TIMM23: variants seen among roughly 807,000 people sequenced by gnomAD.
The protein encoded by TIMM23 is mitochondrial import inner membrane translocase subunit Tim23.
A neutral mutation model predicts 30.7 loss-of-function variants in TIMM23; 19 were observed. The observed-to-expected ratio is 0.62, with a 90% CI of 0.43 to 0.91. TIMM23 has a LOEUF of 0.91. Among genes scored for constraint, TIMM23 ranks in the 40% least tolerant of loss-of-function variants. The pLI, the probability that TIMM23 is intolerant of heterozygous loss-of-function variation, is 0.00. For missense variants in TIMM23, 202 were observed against 269.2 expected (o/e 0.75, Z 1.75); for synonymous variants, 78 against 98.5 (o/e 0.79, Z 1.23).
At chr10:45,977,985 C>T (rs1168498399) in intron 2 of TIMM23, among the ~76,000 whole-genome samples, 12 of 151,600 alleles carry the variant, frequency 7.9e-5, no homozygotes, top group African/African-American at 2.2e-4. Context: ...GAGCCAAGAT[C>T]GCGCCACCCG....
intron 6 of TIMM23, among the ~76,000 whole-genome samples, chr10:46,000,015 T>C (rs1010609212): frequency 3.3e-5 from 5 of 152,338 alleles, no homozygotes; most frequent in African/African-American, 1.2e-4. Flanking sequence ...TTTAAGGTTA[T>C]CTCTCTTATT....
intron 3 of TIMM23, 53 bp from the exon 4 acceptor site, chr10:45,982,793 G>C: frequency 6.2e-7 from 1 of 1,612,788 alleles, no homozygotes; most frequent in Non-Finnish European, 8.5e-7. Flanking sequence ...ATTTGAGTTT[G>C]TTTTTTTAAT....
chr10:45,976,039 A>G (rs1837663383), intron 2 of TIMM23, among the ~76,000 whole-genome samples: 1 of 152,094 alleles, frequency 6.6e-6, no homozygotes, highest in African/African-American at 2.4e-5. Flanking sequence ...GATTACAGGC[A>G]AAGTGTGTTT....
At chr10:45,996,901 G>T (rs1489385134) in intron 6 of TIMM23, among the ~76,000 whole-genome samples, 3 of 150,194 alleles carry the variant, frequency 2.0e-5, no homozygotes, top group Non-Finnish European at 4.4e-5. Context: ...GGAGGTCAAA[G>T]CTGCAGTGTG....
intron 1 of TIMM23, among the ~76,000 whole-genome samples, chr10:45,975,071 A>G (rs1837626739): frequency 6.6e-6 from 1 of 152,214 alleles, no homozygotes; most frequent in Non-Finnish European, 1.5e-5. Flanking sequence ...TGTTTTTCCC[A>G]TGGAATTGAT....
At chr10:45,987,790 T>A (rs76530146) in intron 5 of TIMM23, among the ~76,000 whole-genome samples, 66 of 151,882 alleles carry the variant, frequency 4.3e-4, no homozygotes, top group South Asian at 8.3e-4. Flanking sequence ...AATTTTTTTT[T>A]AAATTTTTTT....
intron 2 of TIMM23, among the ~76,000 whole-genome samples, chr10:45,976,162 G>A (rs1181936657): frequency 6.6e-6 from 1 of 151,992 alleles, no homozygotes; most frequent in African/African-American, 2.4e-5. Context: ...TATTAGAAAA[G>A]CAAGGTTGAT....
At chr10:45,986,121 A>G (rs1380565508) in intron 5 of TIMM23, among the ~76,000 whole-genome samples, 39 of 152,348 alleles carry the variant, frequency 2.6e-4, no homozygotes, top group Middle Eastern at 3.4e-3. Flanking sequence ...AGGGGAAGAC[A>G]TAGAAAACTC....
At chr10:45,989,247 G>A (rs1328661634) in intron 6 of TIMM23, among the ~76,000 whole-genome samples, 19 of 152,022 alleles carry the variant, frequency 1.2e-4, no homozygotes, top group African/African-American at 4.3e-4. Flanking sequence ...TTTTTTGATT[G>A]GCTTATTTTA....
chr10:45,991,931 T>C (rs1194231874), intron 6 of TIMM23, among the ~76,000 whole-genome samples: 2 of 151,558 alleles, frequency 1.3e-5, no homozygotes, highest in Non-Finnish European at 1.5e-5. Context: ...CCCTTACTTG[T>C]CTCTTCCAGG....
intron 6 of TIMM23, among the ~76,000 whole-genome samples, chr10:46,001,918 C>T (rs1838550927): frequency 6.6e-6 from 1 of 152,118 alleles, no homozygotes; most frequent in Non-Finnish European, 1.5e-5. Context: ...TTTATTTACA[C>T]TTGGGGACTA....
At chr10:45,994,420 T>C (rs1448927306) in intron 6 of TIMM23, among the ~76,000 whole-genome samples, 1 of 139,430 alleles carries the variant, frequency 7.2e-6, no homozygotes, top group Admixed American at 7.5e-5. Flanking sequence ...CCTCATGATC[T>C]TTCTATTAAA....
intron 6 of TIMM23, among the ~76,000 whole-genome samples, chr10:45,991,013 C>A (rs77752809): frequency 6.6e-6 from 1 of 152,312 alleles, no homozygotes; most frequent in South Asian, 2.1e-4. Context: ...AGCTCTGTCA[C>A]GGTCTAGTGC....
At chr10:45,993,719 A>C (rs1215231566) in intron 6 of TIMM23, among the ~76,000 whole-genome samples, 1 of 151,706 alleles carries the variant, frequency 6.6e-6, no homozygotes, top group African/African-American at 2.4e-5. Context: ...AAAATGAATA[A>C]TGAAATGCCA....
In TIMM23 at chr10:45,987,120, G is replaced by A. The variant is rs1333944649; in HGVS notation, c.404-1617G>A. On this transcript the variant is annotated intron_variant, in intron 5 of 6. Coordinates refer to ENST00000580018, the MANE Select transcript of TIMM23 (RefSeq NM_006327.4). ...TTCAGATGGTACAAATGCTCTTGATGGGCATTTTATTTGTTGCCAGGTGTT... is the reference window on the plus strand; with the variant it reads ...TTCAGATGGTACAAATGCTCTTGATAGGCATTTTATTTGTTGCCAGGTGTT... 5.9e-5 allele frequency among the ~76,000 whole-genome samples: 9 copies of A among 152,032 alleles called. 1 individual carries two copies. In the Middle Eastern group the frequency reaches 0.017, roughly 287 times the overall value.
At chr10:46,002,605 A>G (rs1027066669) in intron 6 of TIMM23, 5 of 568,116 alleles carry the variant, frequency 8.8e-6, no homozygotes, top group Middle Eastern at 1.8e-3. Flanking sequence ...GTTCTAAATC[A>G]TATTACTAGC....
intron 2 of TIMM23, among the ~76,000 whole-genome samples, chr10:45,982,212 C>T (rs1247083086): frequency 6.6e-6 from 1 of 152,220 alleles, no homozygotes; most frequent in Non-Finnish European, 1.5e-5. Flanking sequence ...TTCTGTTCTT[C>T]TCATAGCTTT....
At chr10:45,988,036 C>T (rs1423874689) in intron 5 of TIMM23, among the ~76,000 whole-genome samples, 1 of 152,160 alleles carries the variant, frequency 6.6e-6, no homozygotes, top group African/African-American at 2.4e-5. Flanking sequence ...GTGCACTAGC[C>T]TCCTGACACG....
At chr10:45,993,901 T>G (rs1838247753) in intron 6 of TIMM23, among the ~76,000 whole-genome samples, 1 of 150,964 alleles carries the variant, frequency 6.6e-6, no homozygotes, top group Non-Finnish European at 1.5e-5. Context: ...CCGGGTGAAA[T>G]GAAATGAAAT....
Sources: gnomAD v4.1 joint callset for allele counts (sites outside exome capture counted in the v4.1 genomes callset) on GRCh38, gnomAD v4.1.1 for gene constraint, MANE v1.5 for transcripts, NCBI Gene and HGNC (gene_info 2026-07-23, HGNC 2026-07-21) for gene names.